Variants in PCDH15 observed in about 807,000 individuals in gnomAD.
The protein encoded by PCDH15 is protocadherin related 15, also known as protocadherin-15.
A neutral mutation model predicts 178.5 loss-of-function variants in PCDH15; 129 were observed. That is an observed-to-expected ratio of 0.72 (90% CI 0.63 to 0.84). The LOEUF (loss-of-function observed/expected upper bound fraction) is 0.84. Ranked by LOEUF, PCDH15 falls within the 40% of genes least tolerant of loss-of-function variation. The pLI, the probability that PCDH15 is intolerant of heterozygous loss-of-function variation, is 0.00. For synonymous variants in PCDH15, 800 were observed against 732.0 expected (o/e 1.09, Z -1.50); for missense variants, 2,230 against 2,099.9 (o/e 1.06, Z -1.21).
At chr10:54,643,424 A>G (rs1429571488) in intron 2 of PCDH15, among the ~76,000 whole-genome samples, 4 of 152,184 alleles carry the variant, frequency 2.6e-5, no homozygotes, top group Admixed American at 2.6e-4. Flanking sequence ...ATGAAAGTTA[A>G]TAATAGAATC....
intron 2 of PCDH15, among the ~76,000 whole-genome samples, chr10:55,409,862 C>T (rs1301051560): frequency 2.0e-5 from 3 of 151,968 alleles, no homozygotes; most frequent in East Asian, 1.9e-4. Flanking sequence ...ATTAAATACG[C>T]GTACCTAATA....
At chr10:54,908,594 C>CA (rs1043882778) in intron 2 of PCDH15, among the ~76,000 whole-genome samples, 1 of 152,230 alleles carries the variant, frequency 6.6e-6, no homozygotes, top group Non-Finnish European at 1.5e-5. Flanking sequence ...TTAGCTCTAA[C>CA]ATTTGCCTTG....
In PCDH15 at chr10:54,444,914, T is replaced by C. The variant is rs539536797; in HGVS notation, c.158-65972A>G. 2.4e-4 allele frequency among the ~76,000 whole-genome samples: 36 copies of C among 151,678 alleles called. No individual in the cohort carries two copies. In the South Asian group the frequency reaches 5.2e-3, roughly 22 times the overall value. On this transcript the variant is annotated intron_variant, in intron 3 of 37. Transcript: ENST00000644397. ...TACATGTGAGGAAAGCACTTTCTTA[T>C]ATTGCATTACACATTTTTATATGGC...
intron 1 of PCDH15, among the ~76,000 whole-genome samples, chr10:55,209,190 A>T (rs989164390): frequency 6.6e-6 from 1 of 152,142 alleles, no homozygotes; most frequent in Non-Finnish European, 1.5e-5. Context: ...CAAGGCACTG[A>T]AACAACAGAG....
intron 10 of PCDH15, among the ~76,000 whole-genome samples, chr10:54,209,351 T>A (rs965492660): frequency 1.3e-5 from 2 of 152,070 alleles, no homozygotes; most frequent in African/African-American, 4.8e-5. Flanking sequence ...TTTTAGAGAC[T>A]GCTTGTGTAA....
At chr10:54,208,377 A>G (rs1366220838) in intron 10 of PCDH15, among the ~76,000 whole-genome samples, 1 of 152,060 alleles carries the variant, frequency 6.6e-6, no homozygotes, top group South Asian at 2.1e-4. Context: ...GTATCTCTCC[A>G]AATTCATATG....
chr10:54,168,643 C>T (rs1482088625), intron 13 of PCDH15, among the ~76,000 whole-genome samples: 4 of 152,100 alleles, frequency 2.6e-5, no homozygotes, highest in Non-Finnish European at 4.4e-5. Context: ...TTTTCTTTAT[C>T]CCAAATCAGA....
At chr10:53,836,131 T>C (rs1372402348) in intron 29 of PCDH15, among the ~76,000 whole-genome samples, 1 of 152,046 alleles carries the variant, frequency 6.6e-6, no homozygotes, top group Non-Finnish European at 1.5e-5. Flanking sequence ...GAGCAGGAAG[T>C]CCTCTCAGGT....
At chr10:53,924,657 C>T (rs988757904) in intron 25 of PCDH15, among the ~76,000 whole-genome samples, 1 of 152,228 alleles carries the variant, frequency 6.6e-6, no homozygotes, top group Non-Finnish European at 1.5e-5. Context: ...CTAGTGGGGA[C>T]TTGGAGAACC....
chr10:54,727,183 G>C (rs1942673824), intron 1 of PCDH15, among the ~76,000 whole-genome samples: 1 of 150,302 alleles, frequency 6.7e-6, no homozygotes, highest in Non-Finnish European at 1.5e-5. Flanking sequence ...AAATCAACCA[G>C]ATGATTTTCC....
chr10:54,105,245 G>A lies in PCDH15; in HGVS notation c.1918-15182C>T, dbSNP rs902709451. Among the ~76,000 whole-genome samples the A allele has an allele frequency of 7.1e-5, 10 of 140,850 alleles. 1 individual carries two copies. Among genetic ancestry groups the A allele is most frequent in the Admixed American group, 6.6e-4 (9 of 13,680 alleles). The allele number at this position is 140,850 out of a possible 152,430, so 92.4% of individuals were successfully genotyped here. A position where few individuals can be genotyped will look rare whatever the true frequency, so the allele number is the denominator to read the frequency against. ...CTCTAGAGGGACAGAACTAACAAGAGATATAGATATAGATATAGACATATA... is the reference window on the plus strand; with the variant it reads ...CTCTAGAGGGACAGAACTAACAAGAAATATAGATATAGATATAGACATATA... On this transcript the variant is annotated intron_variant, in intron 15 of 37. Coordinates refer to ENST00000644397, the MANE Select transcript of PCDH15 (RefSeq NM_001384140.1).
At chr10:55,259,589 T>C (rs1842095796) in intron 1 of PCDH15, among the ~76,000 whole-genome samples, 2 of 152,050 alleles carry the variant, frequency 1.3e-5, no homozygotes, top group African/African-American at 4.8e-5. Context: ...GACATGCAGA[T>C]AGCAAGTATA....
At chr10:55,403,208 T>A (rs993554710) in intron 2 of PCDH15, among the ~76,000 whole-genome samples, 3 of 151,802 alleles carry the variant, frequency 2.0e-5, no homozygotes, top group Non-Finnish European at 2.9e-5. Flanking sequence ...TGGGCTTTTT[T>A]ATTTTTATAT....
intron 1 of PCDH15, among the ~76,000 whole-genome samples, chr10:54,791,294 T>C (rs1951385659): frequency 6.6e-6 from 1 of 151,848 alleles, no homozygotes; most frequent in Non-Finnish European, 1.5e-5. Context: ...ACAACAGGTA[T>C]GGGGCATCTC....
intron 2 of PCDH15, among the ~76,000 whole-genome samples, chr10:54,972,018 A>T (rs1189359143): frequency 2.6e-5 from 4 of 152,192 alleles, no homozygotes; most frequent in Non-Finnish European, 4.4e-5. Flanking sequence ...ACAATCAAGA[A>T]GGAAAACTTG....
chr10:54,034,599 T>C (rs1281131025), intron 18 of PCDH15, among the ~76,000 whole-genome samples: 1 of 137,310 alleles, frequency 7.3e-6, no homozygotes, highest in East Asian at 2.0e-4. Context: ...AACTTATGTT[T>C]CTCTATCTAC....
In PCDH15 at chr10:53,827,565, A is replaced by G. The variant is rs1428146019; in HGVS notation, c.4212-17T>C. On this transcript the variant is annotated splice_polypyrimidine_tract_variant and intron_variant, in intron 31 of 37. Coordinates refer to ENST00000644397, the MANE Select transcript of PCDH15 (RefSeq NM_001384140.1). Reference sequence around the variant, plus strand: ...GCTTGACGTCTTGGATAAAGTAAGGATGGCTTGTAAAACTCATTTTAGAAA... The same window carrying G: ...GCTTGACGTCTTGGATAAAGTAAGGGTGGCTTGTAAAACTCATTTTAGAAA... 5 of 1,614,046 alleles carry G rather than the reference A, an allele frequency of 3.1e-6. No individual in the cohort carries two copies. The highest frequency in any genetic ancestry group is 4.2e-6 in the Non-Finnish European group (5 of 1,179,918).
At chr10:54,198,247 A>ATCAGGCTTTCTGTC (rs1353441600) in intron 10 of PCDH15, among the ~76,000 whole-genome samples, 2 of 152,240 alleles carry the variant, frequency 1.3e-5, no homozygotes, top group East Asian at 3.9e-4. Context: ...TGTGACACAC[A>ATCAGGCTTTCTGTC]TCAGGCTTTC....
chr10:54,189,895 TA>T (rs1465266819), intron 11 of PCDH15, among the ~76,000 whole-genome samples: 2 of 149,878 alleles, frequency 1.3e-5, no homozygotes, highest in Non-Finnish European at 3.0e-5. Flanking sequence ...TATAAACTGA[TA>T]TGGTTCATAT....
Sources: gnomAD v4.1 joint callset for allele counts (sites outside exome capture counted in the v4.1 genomes callset) on GRCh38, gnomAD v4.1.1 for gene constraint, MANE v1.5 for transcripts, NCBI Gene and HGNC (gene_info 2026-07-23, HGNC 2026-07-21) for gene names.